Variants in CFHR2 observed in about 807,000 individuals in gnomAD.
CFHR2 encodes the protein complement factor H-related protein 2.
In CFHR2, 22 loss-of-function variants were observed where a neutral mutation model predicts 21.7. That is an observed-to-expected ratio of 1.01 (90% confidence interval 0.72 to 1.45). The LOEUF is 1.45. Among genes scored for constraint, CFHR2 ranks in the 40% most tolerant of loss-of-function variants. The probability of loss-of-function intolerance (pLI) is 0.00; values close to 1 mark genes in which losing one functional copy is unlikely to be tolerated. For synonymous variants in CFHR2, 98 were observed against 97.4 expected, an observed-to-expected ratio of 1.01 and a Z score of -0.04; for missense variants, 294 against 293.3, an observed-to-expected ratio of 1.00 and a Z score of -0.02.
intron 4 of CFHR2, 27 bp downstream of exon 4, chr1:196,958,100 T>C (rs767772233): frequency 8.1e-6 from 13 of 1,601,100 alleles, no homozygotes; most frequent in Middle Eastern, 1.7e-4. Flanking sequence ...TCTCATGGAT[T>C]CTGGAAAAAT....
At chr1:196,951,666 T>C (rs2125009000) in intron 3 of CFHR2, among the ~76,000 whole-genome samples, 1 of 152,254 alleles carries the variant, frequency 6.6e-6, no homozygotes, top group Admixed American at 6.5e-5. Flanking sequence ...TGCACAGCTC[T>C]GTATTCAACT....
intron 3 of CFHR2, among the ~76,000 whole-genome samples, chr1:196,954,413 C>T (rs986038218): frequency 6.6e-6 from 1 of 152,220 alleles, no homozygotes; most frequent in African/African-American, 2.4e-5. Context: ...TGAGTGCCTG[C>T]AGCCTTTCCA....
In CFHR2 at chr1:196,943,799, A is replaced by G. The variant is rs1659382426; in HGVS notation, c.-82A>G. On this transcript the variant is annotated 5_prime_UTR_variant, in exon 1 of 5. Coordinates refer to ENST00000367415, the MANE Select transcript of CFHR2 (RefSeq NM_005666.4). ...TACACTGAAATTCAAAGTCATGCTC[A>G]TAACTGTTAATGAAAGCAGATTCAA... 1 of 201,562 alleles carries G rather than the reference A, an allele frequency of 5.0e-6. No homozygotes were observed. The highest frequency in any genetic ancestry group is 8.6e-6 in the Non-Finnish European group (1 of 116,938). The allele number at this position is 201,562 out of a possible 1,614,324, so 12.5% of individuals were successfully genotyped here.
chr1:196,955,351 T>C (rs913094593), intron 3 of CFHR2, among the ~76,000 whole-genome samples: 3 of 152,156 alleles, frequency 2.0e-5, no homozygotes, highest in African/African-American at 7.2e-5. Flanking sequence ...ATTGAACAAG[T>C]CTCAAGGGGG....
At position 196,949,608 on chromosome 1, in the gene CFHR2, C is replaced by T. The variant is rs144096230; in HGVS notation, c.212C>T (p.Thr71Met). Reference sequence around the variant, plus strand: ...TCAAAATCCTTTTGGACTCGCATAACGTGCGCAGAAGAAGGATGGTCACCA... The same window carrying T: ...TCAAAATCCTTTTGGACTCGCATAATGTGCGCAGAAGAAGGATGGTCACCA... ...SPSKSFWTRI[T>M]CAEEGWSPTP... Residue 71 changes from threonine (T) to methionine (M), a missense_variant, in exon 2 of 5, where the codon ACG (threonine) becomes ATG (methionine). Transcript: ENST00000367415. 7,692 of 1,613,916 alleles carry T rather than the reference C, an allele frequency of 4.8e-3. 39 individuals are homozygous for T. Among genetic ancestry groups the T allele is most frequent in the Non-Finnish European group, 5.5e-3 (6,522 of 1,179,894 alleles).
intron 3 of CFHR2, among the ~76,000 whole-genome samples, chr1:196,956,419 G>A (rs1236148876): frequency 6.6e-6 from 1 of 152,170 alleles, no homozygotes; most frequent in Non-Finnish European, 1.5e-5. Flanking sequence ...CTTATGGTCA[G>A]TCTGGGAAGT....
At chr1:196,948,345 G>T (rs1340479282) in intron 1 of CFHR2, among the ~76,000 whole-genome samples, 1 of 151,792 alleles carries the variant, frequency 6.6e-6, no homozygotes, top group Non-Finnish European at 1.5e-5. Context: ...GCATGATCTC[G>T]GCTCACTGCA....
At chr1:196,946,615 A>C (rs1853881) in intron 1 of CFHR2, among the ~76,000 whole-genome samples, 16,391 of 152,188 alleles carry the variant, frequency 0.11, 1,116 homozygotes, top group Non-Finnish European at 0.15. Flanking sequence ...TCAGCCTACA[A>C]AGGGTTAGGA....
intron 3 of CFHR2, among the ~76,000 whole-genome samples, chr1:196,951,646 G>A (rs1054870363): frequency 3.3e-5 from 5 of 151,940 alleles, no homozygotes; most frequent in Non-Finnish European, 5.9e-5. Context: ...ATAAGATTCC[G>A]TCCTATGCTT....
At chr1:196,956,137 A>G (rs562396149) in intron 3 of CFHR2, among the ~76,000 whole-genome samples, 1 of 152,184 alleles carries the variant, frequency 6.6e-6, no homozygotes, top group African/African-American at 2.4e-5. Flanking sequence ...ACAATTCAAG[A>G]TAAGATGTGA....
chr1:196,954,421 C>T (rs1243460729), intron 3 of CFHR2, among the ~76,000 whole-genome samples: 1 of 152,214 alleles, frequency 6.6e-6, no homozygotes, highest in Non-Finnish European at 1.5e-5. Context: ...TGCAGCCTTT[C>T]CAGGTGCATA....
Position 196,958,911 on chromosome 1 carries a change from AAAAATAT to A in CFHR2, c.647_653del (p.Lys216ThrfsTer2). On this transcript the variant is annotated frameshift_variant, in exon 5 of 5. Transcript: ENST00000367415. LOFTEE classifies it low-confidence loss of function (END_TRUNC). Reference sequence around the variant, plus strand: ...TGTGTAATATCACAAGAAATTATGGAAAAATATAACATAAAATTAAAGTGGACAAACC... The same window carrying A: ...TGTGTAATATCACAAGAAATTATGGAAACATAAAATTAAAGTGGACAAACC... The A allele has an allele frequency of 6.3e-7, 1 of 1,593,660 alleles. No homozygotes were observed. Among genetic ancestry groups the A allele is most frequent in the Non-Finnish European group, 8.6e-7 (1 of 1,163,060 alleles).
rs1040257981 is a variant in CFHR2, at chr1:196,959,415, A to G, written c.*335A>G. On this transcript the variant is annotated 3_prime_UTR_variant, in exon 5 of 5. Coordinates refer to ENST00000367415, the MANE Select transcript of CFHR2 (RefSeq NM_005666.4). The stretch of plus-strand genomic sequence containing the variant: ...AATTAGTATATCCATTATCTCAAAC[A>G]TTTTTCATTTCTTTGGGTTAGGAGC... Among the ~76,000 whole-genome samples, 1 of 151,888 alleles carries G rather than the reference A, an allele frequency of 6.6e-6. No individual in the cohort carries two copies. The highest frequency in any genetic ancestry group is 1.5e-5 in the Non-Finnish European group (1 of 67,904).
chr1:196,946,434 A>T (rs1400873610), intron 1 of CFHR2, among the ~76,000 whole-genome samples: 2 of 152,142 alleles, frequency 1.3e-5, no homozygotes, highest in Admixed American at 6.5e-5. Context: ...CATCAACTTT[A>T]ATTTTTATGT....
At position 196,946,995 on chromosome 1, in the gene CFHR2, T is replaced by A. The variant is rs138989204; in HGVS notation, c.59-2460T>A. ...ACATGTGAGTAATATATTACACTGC[T>A]ATGTTATGATGGCTATTAGGTGATA... On this transcript the variant is annotated intron_variant, in intron 1 of 4. Transcript: ENST00000367415. Among the ~76,000 whole-genome samples, 1,157 of 152,320 alleles carry A rather than the reference T, an allele frequency of 7.6e-3. 19 individuals are homozygous for A. Among genetic ancestry groups the A allele is most frequent in the African/African-American group, 0.027 (1,105 of 41,574 alleles).
intron 1 of CFHR2, among the ~76,000 whole-genome samples, chr1:196,948,349 C>T (rs964524857): frequency 3.3e-5 from 5 of 152,066 alleles, no homozygotes; most frequent in African/African-American, 9.7e-5. Flanking sequence ...GATCTCGGCT[C>T]ACTGCAACAT....
chr1:196,947,638 G>C lies in CFHR2; in HGVS notation c.59-1817G>C, dbSNP rs9427932. On this transcript the variant is annotated intron_variant, in intron 1 of 4. Transcript: ENST00000367415. ...AGACAGATGAAAAAGAGAAATTTCT[G>C]TTGATTTGTCAGCTTAATTTCTGCA... 6.3e-3 allele frequency among the ~76,000 whole-genome samples: 962 copies of C among 152,286 alleles called. 9 individuals are homozygous for C. Among genetic ancestry groups the C allele is most frequent in the African/African-American group, 0.021 (890 of 41,562 alleles).
chr1:196,951,514 G>A (rs1180034030), intron 3 of CFHR2, among the ~76,000 whole-genome samples: 1 of 152,094 alleles, frequency 6.6e-6, no homozygotes, highest in Admixed American at 6.6e-5. Context: ...GAGTAGCTTA[G>A]CATTTGGAAA....
Position 196,959,036 on chromosome 1 carries a change from T to A in CFHR2, c.769T>A (p.Cys257Ser). Residue 257 changes from cysteine (C) to serine (S), a missense_variant, in exon 5 of 5, where the codon TGT (cysteine) becomes AGT (serine). Transcript: ENST00000367415. ...PTKSHSFRAM[C>S]QNGKLVYPSC... ...AAAATCTCATTCATTTCGAGCAATG[T>A]GTCAGAATGGGAAACTGGTATATCC... The A allele has an allele frequency of 6.2e-7, 1 of 1,612,446 alleles. No homozygotes were observed. The highest frequency in any genetic ancestry group is 1.7e-4 in the Middle Eastern group (1 of 6,040).
Sources: gnomAD v4.1 joint callset for allele counts (sites outside exome capture counted in the v4.1 genomes callset) on GRCh38, gnomAD v4.1.1 for gene constraint, MANE v1.5 for transcripts, NCBI Gene and HGNC (gene_info 2026-07-23, HGNC 2026-07-21) for gene names.